The following PRKN variants were observed in gnomAD, a reference collection of about 807,000 sequenced individuals.
The protein encoded by PRKN is parkin RBR E3 ubiquitin protein ligase, also known as E3 ubiquitin-protein ligase parkin.
PRKN carries 56 observed loss-of-function variants against 59.5 expected under a neutral mutation model. That is an observed-to-expected ratio of 0.94 (90% CI 0.76 to 1.18). The LOEUF (loss-of-function observed/expected upper bound fraction) is 1.18. Ranked by LOEUF, PRKN falls within the 50% of genes most tolerant of loss-of-function variation. The probability of loss-of-function intolerance (pLI) is 0.00; values close to 1 mark genes in which losing one functional copy is unlikely to be tolerated. For missense variants in PRKN, 657 were observed against 596.4 expected (o/e 1.10, Z -1.06); for synonymous variants, 250 against 222.1 (o/e 1.13, Z -1.12).
At chr6:162,696,241 A>C (rs534762060) in intron 1 of PRKN, among the ~76,000 whole-genome samples, 1 of 152,344 alleles carries the variant, frequency 6.6e-6, no homozygotes, top group East Asian at 1.9e-4. Flanking sequence ...TTAGAATGCT[A>C]TATCACTAAA....
At chr6:162,391,594 G>A (rs776843981) in intron 2 of PRKN, among the ~76,000 whole-genome samples, 27 of 151,722 alleles carry the variant, frequency 1.8e-4, no homozygotes, top group Non-Finnish European at 3.5e-4. Context: ...CGTGGATTTC[G>A]AACATCTGCA....
chr6:162,528,280 C>T (rs1036191853), intron 1 of PRKN, among the ~76,000 whole-genome samples: 1 of 151,078 alleles, frequency 6.6e-6, no homozygotes, highest in Admixed American at 6.6e-5. Context: ...CGAGATTGTA[C>T]CTCTGCACTC....
chr6:161,589,939 G>A (rs969008547), intron 7 of PRKN, among the ~76,000 whole-genome samples: 14 of 150,872 alleles, frequency 9.3e-5, no homozygotes, highest in African/African-American at 2.4e-4. Context: ...GACATCATGC[G>A]CAGCTAATTT....
chr6:162,676,910 A>C (rs1293542975), intron 1 of PRKN, among the ~76,000 whole-genome samples: 2 of 151,986 alleles, frequency 1.3e-5, no homozygotes, highest in East Asian at 1.9e-4. Context: ...AAAATACAAA[A>C]GTTAGCTGGG....
chr6:162,002,405 T>C (rs1412908500), intron 5 of PRKN, among the ~76,000 whole-genome samples: 1 of 152,088 alleles, frequency 6.6e-6, no homozygotes, highest in Non-Finnish European at 1.5e-5. Flanking sequence ...TTTCAGGGAA[T>C]TTCAGCTACA....
chr6:162,034,293 C>T (rs1783758762), intron 5 of PRKN, among the ~76,000 whole-genome samples: 1 of 151,602 alleles, frequency 6.6e-6, no homozygotes, highest in Non-Finnish European at 1.5e-5. Flanking sequence ...GAAAACAACC[C>T]TTATGGAAGA....
chr6:162,211,604 T>C (rs142008479), intron 3 of PRKN, among the ~76,000 whole-genome samples: 4 of 152,074 alleles, frequency 2.6e-5, no homozygotes, highest in African/African-American at 9.7e-5. Flanking sequence ...ATTAAGAGAG[T>C]AGAGCAACAC....
At chr6:162,673,558 G>T (rs745542538) in intron 1 of PRKN, among the ~76,000 whole-genome samples, 9 of 152,058 alleles carry the variant, frequency 5.9e-5, no homozygotes, top group Non-Finnish European at 1.2e-4. Context: ...GCTAATTTTT[G>T]TATTTTTTGT....
chr6:161,880,826 G>A (rs1026380814), intron 6 of PRKN, among the ~76,000 whole-genome samples: 1 of 152,242 alleles, frequency 6.6e-6, no homozygotes, highest in East Asian at 1.9e-4. Flanking sequence ...CAAGACAGCC[G>A]GAAAGAGCAG....
chr6:161,850,906 C>T (rs1392491299), intron 6 of PRKN, among the ~76,000 whole-genome samples: 1 of 152,192 alleles, frequency 6.6e-6, no homozygotes, highest in African/African-American at 2.4e-5. Context: ...TCCCAGTTTC[C>T]AATCTCCTTT....
Position 161,545,205 on chromosome 6 carries a change from G to T in PRKN, c.1083+3649C>A. 1 of 1,358,636 alleles carries T rather than the reference G, an allele frequency of 7.4e-7. No individual in the cohort carries two copies. The highest frequency in any genetic ancestry group is 3.3e-5 in the Admixed American group (1 of 30,252). The allele number at this position is 1,358,636 out of a possible 1,614,324, so 84.2% of individuals were successfully genotyped here. On this transcript the variant is annotated intron_variant, in intron 9 of 11. Coordinates refer to ENST00000366898, the MANE Select transcript of PRKN (RefSeq NM_004562.3). The surrounding 1 kb of genome is among the most constrained non-coding windows in gnomAD (Gnocchi z 4.1). ...GTAAGAGTTGTACTTTTTCTATCTT[G>T]ATAATTGAGGGAAAAAAAAATTAAG...
At chr6:162,535,688 C>G (rs927692431) in intron 1 of PRKN, among the ~76,000 whole-genome samples, 3 of 151,980 alleles carry the variant, frequency 2.0e-5, no homozygotes, top group Admixed American at 2.0e-4. Flanking sequence ...GTGGGCAGAT[C>G]TCTTGAGCTC....
chr6:161,708,297 T>C (rs1345210877), intron 7 of PRKN, among the ~76,000 whole-genome samples: 4 of 152,294 alleles, frequency 2.6e-5, no homozygotes, highest in Middle Eastern at 3.4e-3. Flanking sequence ...TTATAATGTC[T>C]ACTCTAGTGT....
chr6:162,113,056 T>G (rs1954922), intron 4 of PRKN, among the ~76,000 whole-genome samples: 152,262 of 152,328 alleles, frequency 1, 76,098 homozygotes, highest in Middle Eastern at 1. Context: ...ATGAAAACAG[T>G]CTTCAAGTTC....
intron 1 of PRKN, among the ~76,000 whole-genome samples, chr6:162,549,632 C>T (rs986892987): frequency 2.2e-5 from 3 of 134,590 alleles, no homozygotes; most frequent in Non-Finnish European, 3.1e-5. Context: ...TAATAGAATG[C>T]GATAATCTTT....
chr6:162,044,278 G>T (rs1444289625), intron 5 of PRKN, among the ~76,000 whole-genome samples: 1 of 152,118 alleles, frequency 6.6e-6, no homozygotes, highest in Admixed American at 6.5e-5. Flanking sequence ...TTACGCTAAT[G>T]AACTTCTACA....
intron 7 of PRKN, among the ~76,000 whole-genome samples, chr6:161,604,332 A>G (rs1347552520): frequency 6.6e-6 from 1 of 152,232 alleles, no homozygotes; most frequent in Non-Finnish European, 1.5e-5. Context: ...TGAGCCTTTC[A>G]GCTAGAGCGG....
intron 2 of PRKN, among the ~76,000 whole-genome samples, chr6:162,341,055 T>C (rs777964251): frequency 4.6e-5 from 7 of 152,058 alleles, no homozygotes; most frequent in African/African-American, 9.7e-5. Flanking sequence ...TACAGGGAAC[T>C]TAAACAAATT....
chr6:161,774,381 A>AACACACACACACACAC (rs1562673354), intron 7 of PRKN, among the ~76,000 whole-genome samples: 1 of 89,102 alleles, frequency 1.1e-5, no homozygotes, highest in African/African-American at 3.6e-5. Flanking sequence ...CTACTCCCTG[A>AACACACACACACACAC]GCACACACAC....
Sources: gnomAD v4.1 joint callset for allele counts (sites outside exome capture counted in the v4.1 genomes callset) on GRCh38, gnomAD v4.1.1 for gene constraint, Gnocchi (gnomAD v3.1) non-coding constraint, MANE v1.5 for transcripts, NCBI Gene and HGNC (gene_info 2026-07-23, HGNC 2026-07-21) for gene names.